Variants in CCSER1 observed in about 807,000 individuals in gnomAD.
CCSER1 encodes the protein coiled-coil serine rich protein 1.
Under a neutral mutation model 82.0 loss-of-function variants are expected in CCSER1, and 41 were observed. That is an observed-to-expected ratio of 0.50 (90% CI 0.39 to 0.65). The LOEUF (loss-of-function observed/expected upper bound fraction) is 0.65. CCSER1 is among the 30% of genes least tolerant of loss of function. CCSER1 has a pLI of 0.00. For synonymous variants in CCSER1, 414 were observed against 383.9 expected (o/e 1.08, Z -0.92); for missense variants, 1,119 against 1,064.2 (o/e 1.05, Z -0.72).
intron 4 of CCSER1, among the ~76,000 whole-genome samples, chr4:90,408,267 A>C (rs1054786104): frequency 2.0e-5 from 3 of 152,218 alleles, no homozygotes; most frequent in South Asian, 4.1e-4. Context: ...TCCTTGTCTG[A>C]CAGCTTTGAA....
At chr4:90,834,993 A>C (rs1266737236) in intron 8 of CCSER1, among the ~76,000 whole-genome samples, 1 of 152,194 alleles carries the variant, frequency 6.6e-6, no homozygotes, top group Admixed American at 6.5e-5. Context: ...ATTTTAAAGT[A>C]TGTTTTTCAT....
At chr4:90,890,132 A>T (rs892915812) in intron 8 of CCSER1, among the ~76,000 whole-genome samples, 7 of 152,204 alleles carry the variant, frequency 4.6e-5, no homozygotes, top group Non-Finnish European at 7.3e-5. Flanking sequence ...GCACAAAAAC[A>T]GTGATTATAA....
intron 5 of CCSER1, among the ~76,000 whole-genome samples, chr4:90,533,362 T>G (rs1197418782): frequency 6.6e-6 from 1 of 152,194 alleles, no homozygotes; most frequent in Admixed American, 6.5e-5. Flanking sequence ...CCCAAAGTGC[T>G]GGGATTACAG....
chr4:91,322,880 C>T (rs1746291331), intron 10 of CCSER1, among the ~76,000 whole-genome samples: 1 of 152,018 alleles, frequency 6.6e-6, no homozygotes. Flanking sequence ...ATCAAATAGA[C>T]TGTAAGGATA....
intron 1 of CCSER1, among the ~76,000 whole-genome samples, chr4:90,129,487 G>A (rs573808929): frequency 1.3e-5 from 2 of 152,168 alleles, no homozygotes; most frequent in East Asian, 3.8e-4. Flanking sequence ...CTGTGACTGG[G>A]TTTAGTAGTA....
chr4:90,136,721 G>C (rs1723762485), intron 1 of CCSER1, among the ~76,000 whole-genome samples: 1 of 152,120 alleles, frequency 6.6e-6, no homozygotes. Flanking sequence ...TTATTTTATA[G>C]ATATAGAAAG....
At chr4:90,644,434 A>G (rs1047608902) in intron 6 of CCSER1, among the ~76,000 whole-genome samples, 3 of 152,022 alleles carry the variant, frequency 2.0e-5, no homozygotes, top group Non-Finnish European at 1.5e-5. Flanking sequence ...TGATTTTTGG[A>G]TTAGGGTTGC....
chr4:91,583,165 T>G (rs564962089), intron 10 of CCSER1, among the ~76,000 whole-genome samples: 2 of 151,512 alleles, frequency 1.3e-5, no homozygotes, highest in South Asian at 4.1e-4. Flanking sequence ...TGTACTCTTT[T>G]GTAACACAAT....
chr4:90,293,402 A>G (rs1203757663), intron 1 of CCSER1, among the ~76,000 whole-genome samples: 1 of 151,524 alleles, frequency 6.6e-6, no homozygotes, highest in Admixed American at 6.6e-5. Context: ...TTTATCAGAT[A>G]CTAATTGTTT....
chr4:90,799,802 T>C (rs557339626), intron 7 of CCSER1, among the ~76,000 whole-genome samples: 16 of 152,320 alleles, frequency 1.1e-4, no homozygotes, highest in African/African-American at 3.8e-4. Context: ...GCTGGCTTGC[T>C]GTCCTTAACA....
At position 90,933,040 on chromosome 4, in the gene CCSER1, GAA is replaced by G. The variant is rs1364871111; in HGVS notation, c.2172+9595_2172+9596del. On this transcript the variant is annotated intron_variant, in intron 9 of 10. Coordinates refer to ENST00000509176, the MANE Select transcript of CCSER1 (RefSeq NM_001145065.2). The stretch of plus-strand genomic sequence containing the variant: ...AGAAAGAAAGAAAGAAAGAAAGAAA[GAA>G]AGAGAAGGAAGGAACGAAGGAAAGA... Among the ~76,000 whole-genome samples the G allele has an allele frequency of 3.7e-4, 18 of 49,082 alleles. 6 individuals carry two copies. Among genetic ancestry groups the G allele is most frequent in the East Asian group, 2.2e-3 (6 of 2,676 alleles). The allele number at this position is 49,082 out of a possible 152,430, so 32.2% of individuals were successfully genotyped here.
At chr4:91,422,457 A>C (rs537564319) in intron 10 of CCSER1, among the ~76,000 whole-genome samples, 12 of 152,176 alleles carry the variant, frequency 7.9e-5, no homozygotes, top group Middle Eastern at 6.8e-3. Flanking sequence ...TTATTGCCTA[A>C]TTGTGTGTCA....
At chr4:90,317,859 T>C (rs1736456023) in intron 3 of CCSER1, among the ~76,000 whole-genome samples, 3 of 152,182 alleles carry the variant, frequency 2.0e-5, no homozygotes, top group Admixed American at 6.5e-5. Context: ...ATACTTTGAA[T>C]TGTGAAACTC....
At chr4:90,615,022 T>C (rs1720920793) in intron 5 of CCSER1, among the ~76,000 whole-genome samples, 1 of 152,110 alleles carries the variant, frequency 6.6e-6, no homozygotes, top group African/African-American at 2.4e-5. Flanking sequence ...ATTCTGAAAA[T>C]TGTAGGGCCC....
chr4:90,628,211 G>C lies in CCSER1; in HGVS notation c.1911G>C (p.Lys637Asn), dbSNP rs1409822500. ...CGGCAGTCAAGACGTTATTATTAAA[G>C]ATGAAGAGAGTTCTTCAAGAGGTAA... ...DCTAVKTLLLKMKRVLQESAD... is the reference protein window; with the variant it reads ...DCTAVKTLLLNMKRVLQESAD... Residue 637 changes from lysine (K) to asparagine (N), a missense_variant, in exon 6 of 11, where the codon AAG (lysine) becomes AAC (asparagine). Coordinates refer to ENST00000509176, the MANE Select transcript of CCSER1 (RefSeq NM_001145065.2). 51 of 1,613,422 alleles carry C rather than the reference G, an allele frequency of 3.2e-5. No individual in the cohort carries two copies. The highest frequency in any genetic ancestry group is 4.2e-5 in the Non-Finnish European group (50 of 1,179,572).
chr4:90,494,655 A>G (rs1768686294), intron 5 of CCSER1, among the ~76,000 whole-genome samples: 1 of 152,166 alleles, frequency 6.6e-6, no homozygotes, highest in Admixed American at 6.6e-5. Flanking sequence ...CATTAGAGGG[A>G]TAAAAACAAA....
In CCSER1 at chr4:91,451,960, C is replaced by A. The variant is rs548851526; in HGVS notation, c.2218-146612C>A. Among the ~76,000 whole-genome samples, 6 of 152,042 alleles carry A rather than the reference C, an allele frequency of 3.9e-5. No homozygotes were observed. In the South Asian group the frequency reaches 1.0e-3, roughly 26 times the overall value. On this transcript the variant is annotated intron_variant, in intron 10 of 10. Coordinates refer to ENST00000509176, the MANE Select transcript of CCSER1 (RefSeq NM_001145065.2). ...AAAAAGGTACTCTGGACTGGGCCAA[C>A]AATATCTTAGTTGTGTTCCTGAAGA...
At chr4:90,203,770 G>T (rs1409150927) in intron 1 of CCSER1, among the ~76,000 whole-genome samples, 1 of 152,142 alleles carries the variant, frequency 6.6e-6, no homozygotes, top group Non-Finnish European at 1.5e-5. Flanking sequence ...TCGCCACCCT[G>T]TCTTCCACAA....
intron 9 of CCSER1, among the ~76,000 whole-genome samples, chr4:91,007,868 G>A (rs548452065): frequency 2.0e-5 from 3 of 152,106 alleles, no homozygotes; most frequent in Admixed American, 2.0e-4. Flanking sequence ...TTTTGACATT[G>A]ATGCTTGTTG....
Sources: gnomAD v4.1 joint callset for allele counts (sites outside exome capture counted in the v4.1 genomes callset) on GRCh38, gnomAD v4.1.1 for gene constraint, MANE v1.5 for transcripts, NCBI Gene and HGNC (gene_info 2026-07-23, HGNC 2026-07-21) for gene names.